AMBN: variants seen among roughly 807,000 people sequenced by gnomAD.
AMBN encodes ameloblastin.
A neutral mutation model predicts 48.0 loss-of-function variants in AMBN; 54 were observed. The observed-to-expected ratio is 1.12, with a 90% CI of 0.90 to 1.41. AMBN has a LOEUF of 1.41. AMBN is among the 40% of genes most tolerant of loss of function. The pLI is 0.00. For missense variants in AMBN, 571 were observed against 547.3 expected (o/e 1.04, Z -0.43); for synonymous variants, 186 against 190.0 (o/e 0.98, Z 0.17).
intron 4 of AMBN, 78 bp downstream of exon 4, chr4:70,598,481 T>A: frequency 8.4e-7 from 1 of 1,185,270 alleles, no homozygotes; most frequent in Non-Finnish European, 1.2e-6. Context: ...TTCATCAAAT[T>A]TATTTATGAA....
intron 3 of AMBN, among the ~76,000 whole-genome samples, chr4:70,597,492 T>G (rs553165288): frequency 6.6e-6 from 1 of 152,140 alleles, no homozygotes; most frequent in African/African-American, 2.4e-5. Context: ...TGTACTATGA[T>G]ACTTCCTGCA....
intron 11 of AMBN, 140 bp downstream of exon 11, chr4:70,603,600 G>T (rs1256550309): frequency 2.2e-6 from 2 of 897,460 alleles, no homozygotes; most frequent in African/African-American, 1.7e-5. Flanking sequence ...ATATTAAGGA[G>T]GCAAACTTCC....
chr4:70,604,847 G>T (rs548992791), intron 12 of AMBN, among the ~76,000 whole-genome samples: 1 of 152,064 alleles, frequency 6.6e-6, no homozygotes, highest in Non-Finnish European at 1.5e-5. Flanking sequence ...ACAAAAATCA[G>T]CCAGGTTTAG....
chr4:70,606,388 C>T lies in AMBN; in HGVS notation c.1002C>T (p.Asp334=). Residue 334 remains aspartate (D), a synonymous_variant, in exon 13 of 13, where the codon GAC becomes GAT. Transcript: ENST00000322937. ...CCCCTATGCCGGAGGCCAACCCAGA[C>T]AATCTAGAAAACCCAGCTTTCCTTA... ...QGSPMPEANP[D]NLENPAFLTE... The T allele has an allele frequency of 6.2e-7, 1 of 1,614,068 alleles. No individual in the cohort carries two copies. Among genetic ancestry groups the T allele is most frequent in the Non-Finnish European group, 8.5e-7 (1 of 1,179,996 alleles).
At position 70,598,300 on chromosome 4, in the gene AMBN, G is replaced by T. The variant is rs1421486849; in HGVS notation, c.136-56G>T. Reference sequence around the variant, plus strand: ...TAATGTCAAATATCATGAGAAATCAGTTGTGTCAAACACAGCATATGCGAT... The same window carrying T: ...TAATGTCAAATATCATGAGAAATCATTTGTGTCAAACACAGCATATGCGAT... On this transcript the variant is annotated intron_variant, in intron 3 of 12. Transcript: ENST00000322937. The T allele has an allele frequency of 1.1e-5, 14 of 1,244,784 alleles. No homozygotes were observed. In the South Asian group the frequency reaches 2.4e-4, roughly 21 times the overall value. 77.1% of individuals were successfully genotyped at this position (1,244,784 alleles called of 1,614,324 possible). A position where few individuals can be genotyped will look rare whatever the true frequency, so the allele number is the denominator to read the frequency against.
chr4:70,606,219 T>C lies in AMBN; in HGVS notation c.833T>C (p.Met278Thr), dbSNP rs1737640427. Residue 278 changes from methionine to threonine, a missense_variant, in exon 13 of 13, where the codon ATG becomes ACG. Physicochemically the swap from Met to Thr is moderately conservative, Grantham distance 81 (BLOSUM62 -1). Transcript: ENST00000322937. ...GREDPMAYGA[M>T]FPGFGGMRPG... Reference sequence around the variant, plus strand: ...GAAGACCCAATGGCCTATGGAGCCATGTTTCCAGGATTTGGAGGCATGAGG... The same window carrying C: ...GAAGACCCAATGGCCTATGGAGCCACGTTTCCAGGATTTGGAGGCATGAGG... 2 of 1,614,134 alleles carry C rather than the reference T, an allele frequency of 1.2e-6. No homozygotes were observed. The highest frequency in any genetic ancestry group is 1.7e-6 in the Non-Finnish European group (2 of 1,179,996).
chr4:70,592,438 G>T (rs1276391964), intron 1 of AMBN, 65 bp downstream of exon 1: 1 of 1,557,806 alleles, frequency 6.4e-7, no homozygotes, highest in East Asian at 2.3e-5. Flanking sequence ...TCTCCTGACA[G>T]CTTTTATAAA....
rs1289928463 is a variant in AMBN, at chr4:70,603,306, A to G, written c.695A>G (p.Asn232Ser). Residue 232 changes from asparagine (N) to serine (S), a missense_variant, in exon 10 of 13, where the codon AAT becomes AGT. Transcript: ENST00000322937. ...RLISHGPMPQ[N>S]KQSPLYPGML... is the part of the protein sequence containing the mutation. The stretch of plus-strand genomic sequence containing the variant: ...ATTTCTCACGGACCAATGCCACAAA[A>G]TAAACAATCTCCAGTAAGTTTTTTT... 3.7e-6 allele frequency: 6 copies of G among 1,613,658 alleles called. No homozygotes were observed. The highest frequency in any genetic ancestry group is 5.1e-6 in the Non-Finnish European group (6 of 1,179,868).
At chr4:70,605,606 T>C (rs1737621856) in intron 12 of AMBN, among the ~76,000 whole-genome samples, 2 of 151,976 alleles carry the variant, frequency 1.3e-5, no homozygotes, top group African/African-American at 4.8e-5. Flanking sequence ...ACATTTTTTT[T>C]CTTAAACTTT....
In AMBN at chr4:70,603,401, T is replaced by C. The variant is rs1307324809; in HGVS notation, c.709-15T>C. ...TGGAAAATGCATTTTGTGATAATGA[T>C]TGTATTTTATTTAGCTTTATCCAGG... On this transcript the variant is annotated splice_polypyrimidine_tract_variant and intron_variant, in intron 10 of 12. Transcript: ENST00000322937. 3.7e-6 allele frequency: 6 copies of C among 1,613,586 alleles called. No homozygotes were observed. In the African/African-American group the frequency reaches 4.0e-5, roughly 11 times the overall value.
In AMBN at chr4:70,601,414, G is replaced by T; in HGVS notation, c.295-4G>T. On this transcript the variant is annotated splice_region_variant and splice_polypyrimidine_tract_variant and intron_variant, in intron 5 of 12. Transcript: ENST00000322937. ...CCTAACACTCTTTTCAAATTTCTCT[G>T]CAGTATGAATATTCTTTGCCTGTGC... 6.2e-7 allele frequency: 1 copy of T among 1,613,380 alleles called. No individual in the cohort carries two copies. Among genetic ancestry groups the T allele is most frequent in the South Asian group, 1.1e-5 (1 of 91,048 alleles).
At chr4:70,600,751 C>T (rs540287623) in intron 5 of AMBN, among the ~76,000 whole-genome samples, 1 of 152,282 alleles carries the variant, frequency 6.6e-6, no homozygotes, top group Admixed American at 6.5e-5. Flanking sequence ...TATATGGACT[C>T]AGAACCAAGA....
At chr4:70,597,922 T>G (rs1224286118) in intron 3 of AMBN, among the ~76,000 whole-genome samples, 1 of 151,864 alleles carries the variant, frequency 6.6e-6, no homozygotes, top group Non-Finnish European at 1.5e-5. Flanking sequence ...AAGATTTATT[T>G]TATGGGAAAG....
At chr4:70,602,685 C>T (rs762471651) in intron 7 of AMBN, 23 bp downstream of exon 7, 5 of 1,548,548 alleles carry the variant, frequency 3.2e-6, no homozygotes, top group South Asian at 2.5e-5. Context: ...CTCAATGAGA[C>T]ACTTTCTGTA....
intron 5 of AMBN, among the ~76,000 whole-genome samples, 184 bp from the exon 6 acceptor site, chr4:70,601,234 A>G (rs1737512903): frequency 6.6e-6 from 1 of 152,128 alleles, no homozygotes; most frequent in Admixed American, 6.6e-5. Context: ...GGGGAGGCAC[A>G]CACAAGACCT....
chr4:70,602,805 G>A lies in AMBN; in HGVS notation c.578G>A (p.Gly193Glu), dbSNP rs781728949. The A allele has an allele frequency of 5.9e-5, 93 of 1,588,766 alleles. No individual in the cohort carries two copies. Among genetic ancestry groups the A allele is most frequent in the Middle Eastern group, 5.1e-4 (3 of 5,892 alleles). ...TATTTATCTACAATATAGCTCCCAGGAATGGATTTTCCTGATCCACAAGGT... is the reference window on the plus strand; with the variant it reads ...TATTTATCTACAATATAGCTCCCAGAAATGGATTTTCCTGATCCACAAGGT... ...FADPQGPSLP[G>E]MDFPDPQGPS... Residue 193 changes from glycine to glutamate, a missense_variant, in exon 8 of 13, where the codon GGA (glycine) becomes GAA (glutamate). By Grantham distance (98) the Gly-to-Glu change is moderately conservative. Coordinates refer to ENST00000322937, the MANE Select transcript of AMBN (RefSeq NM_016519.6).
At chr4:70,601,348 T>A in intron 5 of AMBN, 70 bp from the exon 6 acceptor site, 1 of 1,515,970 alleles carries the variant, frequency 6.6e-7, no homozygotes. Flanking sequence ...AGCCCCTTTG[T>A]TTAGAAATTC....
chr4:70,601,299 C>T, intron 5 of AMBN, 119 bp from the exon 6 acceptor site: 1 of 1,016,698 alleles, frequency 9.8e-7, no homozygotes, highest in Non-Finnish European at 1.5e-6. Context: ...AACTTCAAGA[C>T]AAGTCTCCTA....
intron 3 of AMBN, 45 bp downstream of exon 3, chr4:70,597,094 T>C: frequency 3.3e-6 from 5 of 1,533,412 alleles, no homozygotes; most frequent in Non-Finnish European, 4.5e-6. Flanking sequence ...TACATTGGTA[T>C]ATTTGTGGTA....
Sources: allele counts gnomAD v4.1 joint callset (sites outside exome capture counted in the v4.1 genomes callset), GRCh38; gene constraint gnomAD v4.1.1; transcripts MANE v1.5; gene names NCBI Gene and HGNC (gene_info 2026-07-23, HGNC 2026-07-21).